The following GSE1 variants were observed in gnomAD, a reference collection of about 807,000 sequenced individuals.
The protein encoded by GSE1 is genetic suppressor element 1.
In GSE1, 32 loss-of-function variants were observed where a neutral mutation model predicts 112.6. The observed-to-expected ratio is 0.28, with a 90% CI of 0.21 to 0.38. GSE1 has a LOEUF of 0.38. Ranked by LOEUF, GSE1 falls within the 10% of genes least tolerant of loss-of-function variation. The pLI, the probability that GSE1 is intolerant of heterozygous loss-of-function variation, is 1.00. For missense variants in GSE1, 2,348 were observed against 1,699.2 expected (o/e 1.38, Z -6.71); for synonymous variants, 1,115 against 735.6 (o/e 1.52, Z -8.35).
At chr16:85,640,596 C>T (rs903850610) in intron 2 of GSE1, among the ~76,000 whole-genome samples, 4 of 152,306 alleles carry the variant, frequency 2.6e-5, no homozygotes, top group East Asian at 1.9e-4. Context: ...GTGGGGACTA[C>T]GTGTGCGGGG....
intron 1 of GSE1, among the ~76,000 whole-genome samples, chr16:85,196,079 G>A (rs1297509948): frequency 6.6e-6 from 1 of 152,176 alleles, no homozygotes; most frequent in African/African-American, 2.4e-5. Flanking sequence ...ACGCCCAGTG[G>A]GGAAAAACGA....
At chr16:85,303,268 A>G (rs936500287) in intron 1 of GSE1, among the ~76,000 whole-genome samples, 2 of 152,136 alleles carry the variant, frequency 1.3e-5, no homozygotes, top group South Asian at 2.1e-4. Context: ...TTGGGTTCCT[A>G]TCTGGGGCTC....
At chr16:85,633,527 G>A (rs964066472) in intron 1 of GSE1, among the ~76,000 whole-genome samples, 3 of 152,188 alleles carry the variant, frequency 2.0e-5, no homozygotes, top group Non-Finnish European at 4.4e-5. Flanking sequence ...GAGGATGCGG[G>A]CCGCACGCCT....
intron 2 of GSE1, among the ~76,000 whole-genome samples, chr16:85,640,169 A>G (rs2050324997): frequency 6.6e-6 from 1 of 152,026 alleles, no homozygotes; most frequent in Admixed American, 6.5e-5. Flanking sequence ...TTGGGCGCAC[A>G]AGAGTCTGAG....
intron 1 of GSE1, among the ~76,000 whole-genome samples, chr16:85,586,870 G>A (rs2046723733): frequency 1.3e-5 from 2 of 152,214 alleles, no homozygotes; most frequent in South Asian, 4.1e-4. Flanking sequence ...AGGCACAGTA[G>A]CTAACTTTCT....
chr16:85,367,518 C>T (rs916614110), intron 2 of GSE1, among the ~76,000 whole-genome samples: 17 of 152,156 alleles, frequency 1.1e-4, no homozygotes, highest in Non-Finnish European at 2.4e-4. Context: ...GAGAGGGCCA[C>T]GAAGAAACAG....
At chr16:85,533,546 CA>C (rs1237678367) in intron 2 of GSE1, among the ~76,000 whole-genome samples, 3 of 151,998 alleles carry the variant, frequency 2.0e-5, no homozygotes, top group Non-Finnish European at 2.9e-5. Flanking sequence ...GATGGGTGTT[CA>C]AAGTATGTTT....
chr16:85,211,646 C>G (rs975144216), intron 1 of GSE1, among the ~76,000 whole-genome samples: 2 of 152,116 alleles, frequency 1.3e-5, no homozygotes, highest in African/African-American at 4.8e-5. Flanking sequence ...CTGTGTGGTT[C>G]CCATCTGGCC....
intron 2 of GSE1, among the ~76,000 whole-genome samples, chr16:85,418,185 C>T (rs1463300314): frequency 2.0e-5 from 3 of 152,256 alleles, no homozygotes; most frequent in Non-Finnish European, 4.4e-5. Context: ...GGCCACATTG[C>T]GAGTCACCAT....
At chr16:85,643,154 C>G (rs1272433088) in intron 2 of GSE1, among the ~76,000 whole-genome samples, 1 of 152,216 alleles carries the variant, frequency 6.6e-6, no homozygotes, top group African/African-American at 2.4e-5. Flanking sequence ...GGCCTCAGCG[C>G]TAATCTTCGA....
intron 1 of GSE1, among the ~76,000 whole-genome samples, chr16:85,236,043 G>C (rs1904624224): frequency 6.6e-6 from 1 of 152,004 alleles, no homozygotes; most frequent in African/African-American, 2.4e-5. Flanking sequence ...TGGGGCTGGG[G>C]CTGGGGCTGG....
chr16:85,654,390 C>T lies in GSE1; in HGVS notation c.539C>T (p.Pro180Leu). 1.2e-6 allele frequency: 2 copies of T among 1,608,674 alleles called. No individual in the cohort carries two copies. Among genetic ancestry groups the T allele is most frequent in the Non-Finnish European group, 1.7e-6 (2 of 1,177,744 alleles). ...PAIPSHLLST[P>L]YPFGLSPSSV... ...ATCCCCTCGCACCTGCTCAGCACCC[C>T]CTACCCCTTCGGCCTCTCCCCCAGC... is the stretch of plus-strand genomic sequence containing the variant. The change falls in exon 4 of 16, where the codon CCC becomes CTC. Residue 180 changes from proline to leucine, a missense_variant. Coordinates refer to ENST00000253458, the MANE Select transcript of GSE1 (RefSeq NM_014615.5).
chr16:85,653,778 G>A (rs530345012), intron 3 of GSE1, among the ~76,000 whole-genome samples: 3 of 152,328 alleles, frequency 2.0e-5, no homozygotes, highest in East Asian at 3.9e-4. Flanking sequence ...TGCCCTCCAC[G>A]TGGGCACCAG....
intron 2 of GSE1, among the ~76,000 whole-genome samples, chr16:85,450,686 T>G (rs988980167): frequency 6.6e-6 from 1 of 151,968 alleles, no homozygotes; most frequent in South Asian, 2.1e-4. Context: ...CCTGACCTTG[T>G]GATCCACCCG....
chr16:85,205,438 CTG>C (rs2075099194), intron 1 of GSE1, among the ~76,000 whole-genome samples: 1 of 152,208 alleles, frequency 6.6e-6, no homozygotes, highest in Non-Finnish European at 1.5e-5. Flanking sequence ...AGCCTTGTCT[CTG>C]TTTTGCTGAT....
intron 1 of GSE1, among the ~76,000 whole-genome samples, chr16:85,318,110 G>A (rs1347085484): frequency 6.6e-6 from 1 of 152,224 alleles, no homozygotes; most frequent in Non-Finnish European, 1.5e-5. Context: ...GCCCAAGTGG[G>A]CAGGAGGCTT....
intron 2 of GSE1, among the ~76,000 whole-genome samples, chr16:85,643,784 G>C (rs182192160): frequency 6.6e-6 from 1 of 152,160 alleles, no homozygotes; most frequent in Non-Finnish European, 1.5e-5. Context: ...GCTCCCCACT[G>C]TCCGGTCCCC....
chr16:85,281,400 A>C (rs1280729243), intron 1 of GSE1, among the ~76,000 whole-genome samples: 3 of 152,022 alleles, frequency 2.0e-5, no homozygotes. Context: ...TAACCCTCAC[A>C]GCAGCTCTCC....
rs527755943 is a variant in GSE1, at chr16:85,313,080, A to G, written c.2284-44383A>G. ...GGCCCCAGCTCTGACACTCCAGTGC[A>G]CACTCAGCCCTGGCCACAGCAGGAG... On this transcript the variant is annotated intron_variant, in intron 1 of 2. Coordinates refer to the GSE1 transcript ENST00000637419. Among the ~76,000 whole-genome samples the G allele has an allele frequency of 2.6e-5, 4 of 152,288 alleles. No individual in the cohort carries two copies. The South Asian group carries it at 8.3e-4, about 32-fold the overall frequency.
Sources: allele counts gnomAD v4.1 joint callset (sites outside exome capture counted in the v4.1 genomes callset), GRCh38; gene constraint gnomAD v4.1.1; transcripts MANE v1.5; gene names NCBI Gene and HGNC (gene_info 2026-07-23, HGNC 2026-07-21).